RPS6KA2: variants seen among roughly 807,000 people sequenced by gnomAD.
The protein encoded by RPS6KA2 is ribosomal protein S6 kinase A2.
RPS6KA2 carries 42 observed loss-of-function variants against 91.8 expected under a neutral mutation model. The observed-to-expected ratio is 0.46, with a 90% CI of 0.36 to 0.59. The LOEUF is 0.59. Ranked by LOEUF, RPS6KA2 falls within the 20% of genes least tolerant of loss-of-function variation. The pLI, the probability that RPS6KA2 is intolerant of heterozygous loss-of-function variation, is 0.00. For synonymous variants in RPS6KA2, 414 were observed against 393.6 expected (o/e 1.05, Z -0.61); for missense variants, 798 against 978.5 (o/e 0.82, Z 2.46).
chr6:166,419,982 G>A lies in RPS6KA2; in HGVS notation c.1744-24C>T, dbSNP rs373627340. 19 of 1,606,196 alleles carry A rather than the reference G, an allele frequency of 1.2e-5. No individual in the cohort carries two copies. The highest frequency in any genetic ancestry group is 3.3e-5 in the Admixed American group (2 of 59,956). ...ACCTAGGAGGGAACGACAGGACACCGGCACGCCCTTCACTAAGGACATTCA... is the reference window on the plus strand; with the variant it reads ...ACCTAGGAGGGAACGACAGGACACCAGCACGCCCTTCACTAAGGACATTCA... On this transcript the variant is annotated intron_variant, in intron 17 of 20. Transcript: ENST00000265678. This position sits in a 1 kb window ranked among gnomAD's most constrained non-coding sequence, Gnocchi z 5.6.
intron 1 of RPS6KA2, among the ~76,000 whole-genome samples, chr6:166,599,174 G>C (rs1288582165): frequency 6.6e-6 from 1 of 152,210 alleles, no homozygotes; most frequent in African/African-American, 2.4e-5. Flanking sequence ...AGCAGGTAGA[G>C]GTTTTTAGAA....
chr6:166,463,460 C>T (rs958656324), intron 11 of RPS6KA2: 1 of 152,204 alleles, frequency 6.6e-6, no homozygotes, highest in East Asian at 1.9e-4. Flanking sequence ...CATTTAAAAT[C>T]ATCTCATTTG....
At chr6:166,855,691 A>G (rs1780881589) in intron 2 of RPS6KA2, among the ~76,000 whole-genome samples, 1 of 152,244 alleles carries the variant, frequency 6.6e-6, no homozygotes, top group African/African-American at 2.4e-5. Flanking sequence ...ATTCATCTGC[A>G]GCTAGACTAA....
rs1782130878 is a variant in RPS6KA2, at chr6:166,504,592, A to G, written c.480T>C (p.Asp160=). 21 of 1,613,148 alleles carry G rather than the reference A, an allele frequency of 1.3e-5. No homozygotes were observed. The highest frequency in any genetic ancestry group is 1.7e-5 in the Non-Finnish European group (20 of 1,179,444). Residue 160 remains aspartate, a synonymous_variant, in exon 6 of 21, where the codon GAT becomes GAC. Coordinates refer to ENST00000265678, the MANE Select transcript of RPS6KA2 (RefSeq NM_021135.6). ...LSKEVMFTEE[D]VKFYLAELAL... The stretch of plus-strand genomic sequence containing the variant: ...CCAGCTCAGCCAGGTAGAACTTGAC[A>G]TCCTCCTCCGTGAACATGACCTAGT...
intron 1 of RPS6KA2, among the ~76,000 whole-genome samples, chr6:166,584,595 G>A (rs1459762867): frequency 2.6e-5 from 4 of 152,174 alleles, no homozygotes; most frequent in Admixed American, 2.6e-4. Flanking sequence ...GCATTCTGGG[G>A]ATACTCAGCA....
At chr6:166,609,686 G>T (rs1026021140) in intron 1 of RPS6KA2, among the ~76,000 whole-genome samples, 1 of 152,008 alleles carries the variant, frequency 6.6e-6, no homozygotes, top group Non-Finnish European at 1.5e-5. Context: ...TTTTAGTAGA[G>T]ACGGGGCTTC....
Position 166,717,979 on chromosome 6 carries a change from G to A in RPS6KA2, c.123+140221C>T, listed in dbSNP as rs147311986. On this transcript the variant is annotated intron_variant, in intron 2 of 21. Transcript: ENST00000503859. ...TTCTCCTGCGTCAGCCTCCCACGTA[G>A]CTGGGATTACAGGTGCCCGCTACCA... 4.3e-3 allele frequency among the ~76,000 whole-genome samples: 660 copies of A among 152,046 alleles called. 5 individuals carry two copies. The highest frequency in any genetic ancestry group is 0.015 in the African/African-American group (633 of 41,448).
rs1231778936 is a variant in RPS6KA2 at position 166,732,520 on chromosome 6, A to C, written c.123+125680T>G. Among the ~76,000 whole-genome samples the C allele has an allele frequency of 6.6e-6, 1 of 152,200 alleles. No individual in the cohort carries two copies. The highest frequency in any genetic ancestry group is 1.5e-5 in the Non-Finnish European group (1 of 68,026). ...ACCGGGAATCACTGAACCTTATCAC[A>C]TGGGCTTGCTATGGGAGTTCACATG... is the stretch of plus-strand genomic sequence containing the variant. On this transcript the variant is annotated intron_variant, in intron 2 of 21. Transcript: ENST00000503859. The surrounding 1 kb of genome is among the most constrained non-coding windows in gnomAD (Gnocchi z 4.0).
intron 2 of RPS6KA2, among the ~76,000 whole-genome samples, chr6:166,646,471 G>A (rs1208767818): frequency 6.6e-6 from 1 of 152,224 alleles, no homozygotes; most frequent in East Asian, 1.9e-4. Flanking sequence ...GGCCACGGAG[G>A]AGCCAGTCGA....
At chr6:166,636,870 T>C (rs1330764799) in intron 2 of RPS6KA2, among the ~76,000 whole-genome samples, 1 of 152,172 alleles carries the variant, frequency 6.6e-6, no homozygotes, top group African/African-American at 2.4e-5. Context: ...TACACTAAGT[T>C]TGAAAATTTC....
At chr6:166,779,583 C>T (rs896316589) in intron 2 of RPS6KA2, among the ~76,000 whole-genome samples, 8 of 152,196 alleles carry the variant, frequency 5.3e-5, no homozygotes, top group South Asian at 2.1e-4. Flanking sequence ...GTGCCGGAGC[C>T]GCTCCGGGGC....
At chr6:166,794,367 G>T (rs1779169369) in intron 2 of RPS6KA2, among the ~76,000 whole-genome samples, 1 of 152,194 alleles carries the variant, frequency 6.6e-6, no homozygotes, top group African/African-American at 2.4e-5. Context: ...AGGTGCTGGA[G>T]AGGATGTGGA....
chr6:166,569,506 G>GACCTTCCTGGGCATGGCTC lies in RPS6KA2; in HGVS notation c.100-30723_100-30722insGAGCCATGCCCAGGAAGGT, dbSNP rs1554291810. Among the ~76,000 whole-genome samples the GACCTTCCTGGGCATGGCTC allele has an allele frequency of 3.1e-3, 465 of 152,228 alleles. 2 individuals carry two copies. Among genetic ancestry groups the GACCTTCCTGGGCATGGCTC allele is most frequent in the African/African-American group, 7.8e-3 (323 of 41,508 alleles). ...CCTGTCATCGGATGCCTCTGCCCTCGCTGGGTCCCTGCTGGGGCCGCCCTG... is the reference window on the plus strand; with the variant it reads ...CCTGTCATCGGATGCCTCTGCCCTCGACCTTCCTGGGCATGGCTCCTGGGTCCCTGCTGGGGCCGCCCTG... On this transcript the variant is annotated intron_variant, in intron 1 of 20. Transcript: ENST00000265678.
chr6:166,651,963 T>C (rs1787867126), intron 2 of RPS6KA2, among the ~76,000 whole-genome samples: 1 of 152,264 alleles, frequency 6.6e-6, no homozygotes, highest in Non-Finnish European at 1.5e-5. Flanking sequence ...GCATCCGCCT[T>C]CTCCAAGTGA....
At chr6:166,498,738 G>T in intron 7 of RPS6KA2, 88 bp from the exon 8 acceptor site, 1 of 1,528,568 alleles carries the variant, frequency 6.5e-7, no homozygotes, top group East Asian at 2.3e-5. Flanking sequence ...TCCTTCTGTG[G>T]GCTCTGCCCC....
At chr6:166,845,805 T>C (rs1055119765) in intron 2 of RPS6KA2, among the ~76,000 whole-genome samples, 6 of 151,714 alleles carry the variant, frequency 4.0e-5, no homozygotes, top group African/African-American at 1.5e-4. Context: ...CTCAAGGAAC[T>C]GGAGAAACAA....
chr6:166,523,024 C>T (rs190606447), intron 3 of RPS6KA2, among the ~76,000 whole-genome samples: 1 of 152,342 alleles, frequency 6.6e-6, no homozygotes, highest in East Asian at 1.9e-4. Flanking sequence ...CTCTTAACTA[C>T]TTACACTGCA....
chr6:166,809,801 A>C (rs946152869), intron 2 of RPS6KA2, among the ~76,000 whole-genome samples: 3 of 152,204 alleles, frequency 2.0e-5, no homozygotes, highest in Admixed American at 1.3e-4. Flanking sequence ...AAGAACAGGC[A>C]GCCAATGACT....
intron 1 of RPS6KA2, among the ~76,000 whole-genome samples, chr6:166,617,056 C>T (rs961543776): frequency 6.6e-6 from 1 of 152,246 alleles, no homozygotes; most frequent in African/African-American, 2.4e-5. Context: ...GGCGCCCGCT[C>T]CATCGTGGGC....
Sources: allele counts gnomAD v4.1 joint callset (sites outside exome capture counted in the v4.1 genomes callset), GRCh38; gene constraint gnomAD v4.1.1; non-coding constraint Gnocchi (gnomAD v3.1); transcripts MANE v1.5; gene names NCBI Gene and HGNC (gene_info 2026-07-23, HGNC 2026-07-21).